Variants in DLC1 observed in about 807,000 individuals in gnomAD.
DLC1 encodes the protein DLC1 Rho GTPase activating protein, also known as rho GTPase-activating protein 7.
A neutral mutation model predicts 140.3 loss-of-function variants in DLC1; 54 were observed. The observed-to-expected ratio is 0.38, with a 90% CI of 0.31 to 0.48. The LOEUF (loss-of-function observed/expected upper bound fraction) is 0.48, where lower values mean the gene tolerates loss of function less well. Among genes scored for constraint, DLC1 ranks in the 20% least tolerant of loss-of-function variants. The pLI is 0.96. For synonymous variants in DLC1, 986 were observed against 728.1 expected, an observed-to-expected ratio of 1.35 and a Z score of -5.70; for missense variants, 2,536 against 1,907.0, an observed-to-expected ratio of 1.33 and a Z score of -6.14.
intron 4 of DLC1, among the ~76,000 whole-genome samples, chr8:13,384,858 C>T (rs181848005): frequency 2.6e-5 from 4 of 152,160 alleles, no homozygotes; most frequent in African/African-American, 9.6e-5. Flanking sequence ...CAGGGAAGTA[C>T]TGGGGGCAAC....
chr8:13,530,583 A>T (rs1803062772), intron 1 of DLC1, among the ~76,000 whole-genome samples: 1 of 152,180 alleles, frequency 6.6e-6, no homozygotes, highest in Admixed American at 6.5e-5. Context: ...TCAAAACTTC[A>T]GCCTGCATTT....
chr8:13,420,234 T>C (rs572222889), intron 2 of DLC1, among the ~76,000 whole-genome samples: 13 of 152,158 alleles, frequency 8.5e-5, no homozygotes, highest in Non-Finnish European at 1.9e-4. Context: ...TCAGAGTACC[T>C]ACTTTTCTTG....
intron 5 of DLC1, among the ~76,000 whole-genome samples, chr8:13,136,349 A>G (rs1822559404): frequency 6.6e-6 from 1 of 152,032 alleles, no homozygotes; most frequent in African/African-American, 2.4e-5. Context: ...TCCCCACTCT[A>G]GTAGTTCCCA....
At chr8:13,403,856 GC>G (rs1233198469) in intron 2 of DLC1, among the ~76,000 whole-genome samples, 1 of 74,964 alleles carries the variant, frequency 1.3e-5, no homozygotes, top group Non-Finnish European at 2.5e-5. Flanking sequence ...ACAGAATTTT[GC>G]CATGTTGCCC....
intron 1 of DLC1, among the ~76,000 whole-genome samples, chr8:13,529,128 T>C (rs1464793110): frequency 6.6e-6 from 1 of 152,132 alleles, no homozygotes; most frequent in Non-Finnish European, 1.5e-5. Flanking sequence ...TTAGAGGAAA[T>C]GTTTTTCTTA....
intron 5 of DLC1, among the ~76,000 whole-genome samples, chr8:13,295,938 CTTTGTTTTTTTT>C (rs1212081323): frequency 1.9e-5 from 1 of 53,344 alleles, no homozygotes; most frequent in African/African-American, 7.2e-5. Context: ...AGATAAGATT[CTTTGTTTTTTTT>C]TTTTTTTTTT....
rs34575560 is a variant in DLC1 at position 13,499,993 on chromosome 8, G to C, written c.79C>G (p.Arg27Gly). 1.9e-6 allele frequency: 3 copies of C among 1,614,012 alleles called. No homozygotes were observed. Among genetic ancestry groups the C allele is most frequent in the African/African-American group, 2.7e-5 (2 of 75,026 alleles). Residue 27 changes from arginine (R) to glycine (G), a missense_variant, in exon 2 of 18, where the codon CGT becomes GGT. Arg to Gly is a moderately radical substitution (Grantham distance 125). Coordinates refer to ENST00000276297, the MANE Select transcript of DLC1 (RefSeq NM_182643.3). ...AGTCCATGATGACATGCTGTGTTAC[G>C]ATCATCAGAATTAAAAGGCTGTCCC... ...WMGQPFNSDD[R>G]NTACHHGLVA...
chr8:13,155,681 T>G (rs1164573122), intron 5 of DLC1, among the ~76,000 whole-genome samples: 2 of 152,062 alleles, frequency 1.3e-5, no homozygotes, highest in South Asian at 4.1e-4. Flanking sequence ...CTGATAAAAA[T>G]TTTGCTAATT....
At chr8:13,290,006 C>G (rs112142055) in intron 5 of DLC1, among the ~76,000 whole-genome samples, 11,735 of 152,134 alleles carry the variant, frequency 0.077, 502 homozygotes, top group South Asian at 0.16. Context: ...ATTTTTGTGT[C>G]TTTTCTTTTA....
At chr8:13,398,111 C>A (rs900639295) in intron 3 of DLC1, among the ~76,000 whole-genome samples, 2 of 148,572 alleles carry the variant, frequency 1.3e-5, no homozygotes, top group Non-Finnish European at 3.0e-5. Context: ...AGCCTGGTGA[C>A]AGAGCGAGAG....
At chr8:13,566,233 G>A (rs1046150627) in intron 1 of DLC1, among the ~76,000 whole-genome samples, 1 of 152,156 alleles carries the variant, frequency 6.6e-6, no homozygotes, top group Non-Finnish European at 1.5e-5. Flanking sequence ...GGGACTCGGA[G>A]GAGGAGGATA....
intron 1 of DLC1, chr8:13,558,433 C>T (rs1804129458): frequency 6.6e-6 from 1 of 152,024 alleles, no homozygotes; most frequent in South Asian, 2.1e-4. Context: ...ACTTGATACA[C>T]CTCAAGTTTG....
At position 13,152,635 on chromosome 8, in the gene DLC1, C is replaced by A. The variant is rs1168254100; in HGVS notation, c.1349-36978G>T. On this transcript the variant is annotated intron_variant, in intron 5 of 17. Coordinates refer to ENST00000276297, the MANE Select transcript of DLC1 (RefSeq NM_182643.3). ...CAACGTGGAGAAACACCACCTCTACCAATAATAATAATAATAATAAAATTA... is the reference window on the plus strand; with the variant it reads ...CAACGTGGAGAAACACCACCTCTACAAATAATAATAATAATAATAAAATTA... 2.0e-5 allele frequency among the ~76,000 whole-genome samples: 3 copies of A among 150,842 alleles called. 1 individual carries two copies. The highest frequency in any genetic ancestry group is 3.9e-4 in the East Asian group (2 of 5,088).
At chr8:13,410,953 A>G (rs1380268732) in intron 2 of DLC1, among the ~76,000 whole-genome samples, 1 of 152,136 alleles carries the variant, frequency 6.6e-6, no homozygotes, top group Non-Finnish European at 1.5e-5. Context: ...CCTAAATGAA[A>G]CCCTCATGGG....
chr8:13,102,911 T>A, intron 7 of DLC1, 58 bp from the exon 8 acceptor site: 1 of 1,412,240 alleles, frequency 7.1e-7, no homozygotes, highest in Admixed American at 1.8e-5. Flanking sequence ...AATGAGTGGA[T>A]AAACACCTGT....
chr8:13,458,450 G>A (rs1458682311), intron 2 of DLC1, among the ~76,000 whole-genome samples: 2 of 152,132 alleles, frequency 1.3e-5, no homozygotes, highest in African/African-American at 2.4e-5. Flanking sequence ...GCCTTGGTAA[G>A]ATACAGTCAG....
intron 4 of DLC1, among the ~76,000 whole-genome samples, chr8:13,325,304 C>G (rs1216762676): frequency 6.6e-6 from 1 of 152,168 alleles, no homozygotes; most frequent in African/African-American, 2.4e-5. Context: ...CTTGAGGAAA[C>G]TGTTCGATTA....
chr8:13,553,529 AC>A (rs1803936741), intron 1 of DLC1, among the ~76,000 whole-genome samples: 1 of 151,808 alleles, frequency 6.6e-6, no homozygotes, highest in Non-Finnish European at 1.5e-5. Context: ...TTAAAAATAA[AC>A]TTGTGGAGAC....
chr8:13,524,100 C>G (rs1395437489), intron 1 of DLC1, among the ~76,000 whole-genome samples: 2 of 134,474 alleles, frequency 1.5e-5, no homozygotes, highest in East Asian at 4.3e-4. Context: ...CAGTTGTTAT[C>G]TATTCTATTT....
Sources: gnomAD v4.1 joint callset for allele counts (sites outside exome capture counted in the v4.1 genomes callset) on GRCh38, gnomAD v4.1.1 for gene constraint, MANE v1.5 for transcripts, NCBI Gene and HGNC (gene_info 2026-07-23, HGNC 2026-07-21) for gene names.